The following KIF2A variants were observed in gnomAD, a reference collection of about 807,000 sequenced individuals.
KIF2A encodes kinesin family member 2A.
Under a neutral mutation model 100.2 loss-of-function variants are expected in KIF2A, and 22 were observed. The observed-to-expected ratio is 0.22, with a 90% CI of 0.16 to 0.31. The LOEUF is 0.31. KIF2A is among the 10% of genes least tolerant of loss of function. KIF2A has a pLI of 1.00. For missense variants in KIF2A, 495 were observed against 898.7 expected (o/e 0.55, Z 5.74); for synonymous variants, 268 against 285.9 (o/e 0.94, Z 0.63).
intron 11 of KIF2A, 142 bp downstream of exon 11, chr5:62,361,671 G>T: frequency 1.9e-6 from 1 of 515,234 alleles, no homozygotes; most frequent in Non-Finnish European, 3.4e-6. Context: ...TTATTAGATT[G>T]CTTGAAAAGA....
intron 19 of KIF2A, among the ~76,000 whole-genome samples, chr5:62,379,896 T>C (rs1741702687): frequency 6.6e-6 from 1 of 152,098 alleles, no homozygotes; most frequent in Non-Finnish European, 1.5e-5. Flanking sequence ...TCTGGTCTTG[T>C]TTTGTTTTTT....
chr5:62,319,907 A>G (rs10471546), intron 1 of KIF2A, among the ~76,000 whole-genome samples: 77,286 of 151,848 alleles, frequency 0.51, 20,405 homozygotes, highest in South Asian at 0.62. Context: ...ATGTATGTAT[A>G]TATCTATTAG....
chr5:62,323,346 C>G (rs1354483946), intron 1 of KIF2A, among the ~76,000 whole-genome samples: 1 of 151,154 alleles, frequency 6.6e-6, no homozygotes, highest in Non-Finnish European at 1.5e-5. Context: ...ACGTTGAAAC[C>G]CTGTCTCTAC....
intron 1 of KIF2A, among the ~76,000 whole-genome samples, chr5:62,336,647 G>A (rs773850248): frequency 2.0e-4 from 30 of 152,160 alleles, no homozygotes; most frequent in Non-Finnish European, 4.0e-4. Context: ...AACAGTTCTG[G>A]GAAAGAAATG....
At chr5:62,377,602 C>G in intron 18 of KIF2A, 59 bp from the exon 19 acceptor site, 1 of 944,314 alleles carries the variant, frequency 1.1e-6, no homozygotes, top group East Asian at 2.8e-5. Flanking sequence ...AAAAAAACTA[C>G]TTTTATAACA....
chr5:62,366,548 T>G, intron 16 of KIF2A, 67 bp downstream of exon 16: 1 of 988,930 alleles, frequency 1.0e-6, no homozygotes, highest in Non-Finnish European at 1.5e-6. Context: ...TAATTTAATA[T>G]CTGCCTCGTG....
intron 15 of KIF2A, among the ~76,000 whole-genome samples, chr5:62,366,163 T>C (rs1321492762): frequency 6.6e-6 from 1 of 152,132 alleles, no homozygotes; most frequent in African/African-American, 2.4e-5. Context: ...TACTATTCCC[T>C]TCCAGGTATT....
intron 1 of KIF2A, among the ~76,000 whole-genome samples, chr5:62,317,052 CTTT>C (rs757855450): frequency 7.1e-6 from 1 of 141,812 alleles, no homozygotes; most frequent in Non-Finnish European, 1.5e-5. Flanking sequence ...AACTTTAGCC[CTTT>C]TTTTTTTTTT....
rs1176530793 is a variant in KIF2A at position 62,358,305 on chromosome 5, T to A, written c.872+6T>A. The A allele has an allele frequency of 1.0e-5, 16 of 1,541,344 alleles. No individual in the cohort carries two copies. The highest frequency in any genetic ancestry group is 1.3e-5 in the Non-Finnish European group (15 of 1,150,480). ...CCTAATGAAATGGTTTACAGGTAGGTAAATTCATTTTAAATCAGAATTTTG... is the reference window on the plus strand; with the variant it reads ...CCTAATGAAATGGTTTACAGGTAGGAAAATTCATTTTAAATCAGAATTTTG... On this transcript the variant is annotated splice_donor_region_variant and intron_variant, in intron 9 of 20. Transcript: ENST00000407818.
At chr5:62,366,203 T>G (rs946213728) in intron 15 of KIF2A, among the ~76,000 whole-genome samples, 2 of 152,148 alleles carry the variant, frequency 1.3e-5, no homozygotes, top group Non-Finnish European at 2.9e-5. Flanking sequence ...GGAGTTTGAT[T>G]GTTTTCTAGT....
chr5:62,313,326 T>A (rs1341360724), intron 1 of KIF2A, among the ~76,000 whole-genome samples: 1 of 152,194 alleles, frequency 6.6e-6, no homozygotes, highest in African/African-American at 2.4e-5. Flanking sequence ...ATATCCGTGA[T>A]CCCTCATAGC....
intron 1 of KIF2A, among the ~76,000 whole-genome samples, chr5:62,313,645 G>A (rs956322227): frequency 5.3e-5 from 8 of 151,934 alleles, no homozygotes; most frequent in South Asian, 2.1e-4. Flanking sequence ...GAGCCACTGC[G>A]CCCGGCCAGC....
chr5:62,379,363 A>G (rs967765577), intron 19 of KIF2A, among the ~76,000 whole-genome samples: 3 of 152,074 alleles, frequency 2.0e-5, no homozygotes, highest in African/African-American at 7.2e-5. Flanking sequence ...GGAAAAGGAA[A>G]GAAAAATTGG....
intron 1 of KIF2A, among the ~76,000 whole-genome samples, chr5:62,335,548 C>T (rs1746899082): frequency 6.6e-6 from 1 of 152,170 alleles, no homozygotes; most frequent in Non-Finnish European, 1.5e-5. Flanking sequence ...GGGAGGGTCA[C>T]AAGCACTTGT....
chr5:62,321,922 G>A (rs1305581815), intron 1 of KIF2A, among the ~76,000 whole-genome samples: 1 of 151,856 alleles, frequency 6.6e-6, no homozygotes, highest in Non-Finnish European at 1.5e-5. Flanking sequence ...AATTTGGTAT[G>A]TTTTCTCTTT....
intron 1 of KIF2A, among the ~76,000 whole-genome samples, chr5:62,308,699 C>A (rs1745424994): frequency 6.6e-6 from 1 of 152,068 alleles, no homozygotes; most frequent in South Asian, 2.1e-4. Flanking sequence ...CATAATCTCA[C>A]TCATATGTAG....
chr5:62,342,831 C>T (rs912546668), intron 1 of KIF2A, among the ~76,000 whole-genome samples: 1 of 151,618 alleles, frequency 6.6e-6, no homozygotes, highest in Non-Finnish European at 1.5e-5. Context: ...TGGTTCACTG[C>T]AACCTCCACC....
rs4700491 is a variant in KIF2A at position 62,353,576 on chromosome 5, T to G, written c.558+201T>G. Among the ~76,000 whole-genome samples, 20,544 of 152,172 alleles carry G rather than the reference T, an allele frequency of 0.14. 1,619 individuals carry two copies. The highest frequency in any genetic ancestry group is 0.25 in the East Asian group (1,315 of 5,186). ...CATTTTTACTGCATTGTTCTTTTCA[T>G]GTTTTATTGGTATGTGTTAACGCTA... On this transcript the variant is annotated intron_variant, in intron 6 of 20. Transcript: ENST00000407818.
chr5:62,353,399 T>C (rs1308685996), intron 6 of KIF2A, 24 bp downstream of exon 6: 1 of 1,235,516 alleles, frequency 8.1e-7, no homozygotes, highest in East Asian at 2.5e-5. Flanking sequence ...ACATATATTT[T>C]GTTTATGTAC....
Sources: allele counts gnomAD v4.1 joint callset (sites outside exome capture counted in the v4.1 genomes callset), GRCh38; gene constraint gnomAD v4.1.1; transcripts MANE v1.5; gene names NCBI Gene and HGNC (gene_info 2026-07-23, HGNC 2026-07-21).